The following TCOF1 variants were observed in gnomAD, a reference collection of about 807,000 sequenced individuals.
TCOF1 encodes the protein treacle protein.
TCOF1 carries 33 observed loss-of-function variants against 149.0 expected under a neutral mutation model. The ratio of observed to expected loss-of-function variants is 0.22; its 90% confidence interval spans 0.17 to 0.30. The LOEUF is 0.30. Ranked by LOEUF, TCOF1 falls within the 10% of genes least tolerant of loss-of-function variation. TCOF1 has a pLI of 1.00. For synonymous variants in TCOF1, 789 were observed against 738.8 expected (o/e 1.07, Z -1.10); for missense variants, 1,728 against 1,840.7 (o/e 0.94, Z 1.12).
chr5:150,383,002 T>G, intron 17 of TCOF1: 1 of 1,365,670 alleles, frequency 7.3e-7, no homozygotes, highest in Non-Finnish European at 9.9e-7. Context: ...ACTGGCTGTT[T>G]CCCCCTCAGC....
At chr5:150,379,166 T>C in intron 15 of TCOF1, 63 bp from the exon 16 acceptor site, 2 of 1,613,718 alleles carry the variant, frequency 1.2e-6, no homozygotes, top group Non-Finnish European at 1.7e-6. Flanking sequence ...TGTGCCATAG[T>C]GGGGAGTGGG....
At chr5:150,377,080 G>A (rs938366026) in intron 14 of TCOF1, among the ~76,000 whole-genome samples, 3 of 152,242 alleles carry the variant, frequency 2.0e-5, no homozygotes, top group Admixed American at 6.5e-5. Flanking sequence ...GGCTGAAAGA[G>A]TTGGCCAGGT....
chr5:150,387,875 G>C, intron 17 of TCOF1, 27 bp from the exon 18 acceptor site: 1 of 1,613,434 alleles, frequency 6.2e-7, no homozygotes, highest in Non-Finnish European at 8.5e-7. Flanking sequence ...TAATCACTGG[G>C]GGGGTGTTTT....
At chr5:150,365,057 G>C (rs190511073) in intron 3 of TCOF1, 1 of 151,554 alleles carries the variant, frequency 6.6e-6, no homozygotes, top group Non-Finnish European at 1.5e-5. Context: ...GATCATACTA[G>C]GTATATATTT....
At chr5:150,374,149 CA>C in intron 7 of TCOF1, 24 bp from the exon 8 acceptor site, 1 of 1,601,736 alleles carries the variant, frequency 6.2e-7, no homozygotes, top group Non-Finnish European at 8.5e-7. Context: ...AGCAGGAGAG[CA>C]AGCTGCCCTT....
chr5:150,389,200 A>T (rs1766904709), intron 18 of TCOF1, among the ~76,000 whole-genome samples: 1 of 152,222 alleles, frequency 6.6e-6, no homozygotes, highest in African/African-American at 2.4e-5. Flanking sequence ...ATCACCTGTA[A>T]TTCTGCCCCA....
Position 150,376,409 on chromosome 5 carries a change from C to G in TCOF1, c.2143-14C>G. On this transcript the variant is annotated splice_polypyrimidine_tract_variant and intron_variant, in intron 13 of 26. Transcript: ENST00000643257. ...GGACTCCTGGAGACACCTCTCTTCC[C>G]CTTGTCATCCCAGGCAAAGTCTGTG... The G allele has an allele frequency of 6.2e-7, 1 of 1,614,196 alleles. No homozygotes were observed. The highest frequency in any genetic ancestry group is 1.1e-5 in the South Asian group (1 of 91,088).
chr5:150,388,145 G>A (rs1333959792), intron 18 of TCOF1, 57 bp downstream of exon 18: 11 of 1,606,852 alleles, frequency 6.8e-6, no homozygotes, highest in South Asian at 1.1e-5. Context: ...CCCACATTGA[G>A]GCCCAGAAGG....
intron 3 of TCOF1, among the ~76,000 whole-genome samples, chr5:150,364,559 A>G (rs936998273): frequency 6.6e-6 from 1 of 152,216 alleles, no homozygotes; most frequent in African/African-American, 2.4e-5. Flanking sequence ...TGGAAAGAAG[A>G]CACACGTTCA....
intron 21 of TCOF1, 111 bp from the exon 22 acceptor site, chr5:150,392,594 G>T: frequency 9.9e-7 from 1 of 1,012,592 alleles, no homozygotes; most frequent in Non-Finnish European, 1.5e-6. Context: ...GGCGGGGCAG[G>T]GGATGGGGGT....
At chr5:150,357,999 G>A (rs1759041431) in intron 1 of TCOF1, 145 bp downstream of exon 1, 1 of 737,768 alleles carries the variant, frequency 1.4e-6, no homozygotes, top group Non-Finnish European at 2.1e-6. Flanking sequence ...GGGTACCGGA[G>A]GAGCCGCAAT....
intron 18 of TCOF1, among the ~76,000 whole-genome samples, chr5:150,389,580 T>C (rs986451956): frequency 6.6e-6 from 1 of 151,628 alleles, no homozygotes; most frequent in East Asian, 1.9e-4. Flanking sequence ...GCAAGGAGAG[T>C]CGTTTGGTGC....
Position 150,396,430 on chromosome 5 carries a change from G to C in TCOF1, c.3933G>C (p.Gln1311His). 6.2e-7 allele frequency: 1 copy of C among 1,614,054 alleles called. No individual in the cohort carries two copies. The highest frequency in any genetic ancestry group is 8.5e-7 in the Non-Finnish European group (1 of 1,180,022). Reference protein sequence around the residue: ...LGQPWPLNEAQVQASVVKVLT... With the variant: ...LGQPWPLNEAHVQASVVKVLT... Reference sequence around the variant, plus strand: ...AACCCTGGCCCCTGAATGAGGCCCAGGTGCAGGCCTCAGTGGTGAAGGTCC... The same window carrying C: ...AACCCTGGCCCCTGAATGAGGCCCACGTGCAGGCCTCAGTGGTGAAGGTCC... The change falls in exon 24 of 27, where the codon CAG becomes CAC. Residue 1311 changes from glutamine (Q) to histidine (H), a missense_variant. By Grantham distance (24) the Gln-to-His change is conservative. This residue lies in a region of TCOF1 where 1,696 missense variants were observed against 1,765.4 expected (regional missense o/e 0.96). Transcript: ENST00000643257.
chr5:150,391,691 G>A (rs202065585), intron 20 of TCOF1, 34 bp downstream of exon 20: 315 of 1,589,306 alleles, frequency 2.0e-4, no homozygotes, highest in Admixed American at 2.9e-4. Flanking sequence ...GCAAGCCCAC[G>A]GAGCGTAGAA....
chr5:150,374,996 G>T lies in TCOF1; in HGVS notation c.1321G>T (p.Ala441Ser). 6.2e-7 allele frequency: 1 copy of T among 1,613,656 alleles called. No homozygotes were observed. Among genetic ancestry groups the T allele is most frequent in the South Asian group, 1.1e-5 (1 of 91,072 alleles). ...GGCCCCCCAGGTCAGAGCCGCCTCG[G>T]CCCCTGCCAAGGAGTCCCCCAGGAA... ...GKAPQVRAAS[A>S]PAKESPRKGA... Residue 441 changes from alanine to serine, a missense_variant, in exon 10 of 27, where the codon GCC (alanine) becomes TCC (serine). This residue lies in a region of TCOF1 where 1,696 missense variants were observed against 1,765.4 expected (regional missense o/e 0.96). Coordinates refer to ENST00000643257, the MANE Select transcript of TCOF1 (RefSeq NM_001371623.1).
intron 1 of TCOF1, among the ~76,000 whole-genome samples, chr5:150,360,239 C>A (rs536750317): frequency 6.6e-6 from 1 of 152,214 alleles, no homozygotes; most frequent in Non-Finnish European, 1.5e-5. Context: ...TCAGTCCACC[C>A]GTGCCCCACA....
At chr5:150,374,094 G>A in intron 7 of TCOF1, 80 bp from the exon 8 acceptor site, 1 of 1,474,408 alleles carries the variant, frequency 6.8e-7, no homozygotes, top group South Asian at 1.2e-5. Context: ...GCCTCATTAA[G>A]GCCTCTGGAC....
rs1483742790 is a variant in TCOF1, at chr5:150,396,848, T to C, written c.4345+6T>C. 1 of 1,586,512 alleles carries C rather than the reference T, an allele frequency of 6.3e-7. No individual in the cohort carries two copies. Among genetic ancestry groups the C allele is most frequent in the Non-Finnish European group, 8.6e-7 (1 of 1,167,332 alleles). ...GAAGAAGAAATCCGACAAGAGTGAGTGACCGCTTCTCCCAGCCCACCCCAA... is the reference window on the plus strand; with the variant it reads ...GAAGAAGAAATCCGACAAGAGTGAGCGACCGCTTCTCCCAGCCCACCCCAA... On this transcript the variant is annotated splice_donor_region_variant and intron_variant, in intron 24 of 26. Coordinates refer to ENST00000643257, the MANE Select transcript of TCOF1 (RefSeq NM_001371623.1).
intron 4 of TCOF1, 145 bp downstream of exon 4, chr5:150,368,062 C>A: frequency 1.2e-6 from 1 of 835,350 alleles, no homozygotes; most frequent in Non-Finnish European, 1.9e-6. Context: ...GTTGTGGGAT[C>A]TTAGTCCCTT....
Sources: allele counts gnomAD v4.1 joint callset (sites outside exome capture counted in the v4.1 genomes callset), GRCh38; gene constraint gnomAD v4.1.1; regional missense constraint gnomAD v4.1.1; transcripts MANE v1.5; gene names NCBI Gene and HGNC (gene_info 2026-07-23, HGNC 2026-07-21).